CPA6: variants seen among roughly 807,000 people sequenced by gnomAD.
CPA6 encodes the protein carboxypeptidase A6.
CPA6 carries 58 observed loss-of-function variants against 63.3 expected under a neutral mutation model. The observed-to-expected ratio is 0.92, with a 90% CI of 0.74 to 1.14. The LOEUF (loss-of-function observed/expected upper bound fraction) is 1.14. CPA6 is among the 50% of genes most tolerant of loss of function. The pLI, the probability that CPA6 is intolerant of heterozygous loss-of-function variation, is 0.00. For synonymous variants in CPA6, 185 were observed against 179.0 expected (o/e 1.03, Z -0.27); for missense variants, 565 against 526.6 (o/e 1.07, Z -0.71).
intron 1 of CPA6, among the ~76,000 whole-genome samples, chr8:67,744,399 G>C (rs986684459): frequency 1.3e-5 from 2 of 152,176 alleles, no homozygotes; most frequent in African/African-American, 4.8e-5. Flanking sequence ...AAGGGTTCCA[G>C]TCGCTACAAA....
Position 67,557,753 on chromosome 8 carries a change from G to T in CPA6, c.193-39706C>A, listed in dbSNP as rs138759027. On this transcript the variant is annotated intron_variant, in intron 2 of 10. Transcript: ENST00000297770. Reference sequence around the variant, plus strand: ...GTAATAATCCTAGCCTATTGCCTTTGGTCATAAGTTCAGCATTAAGTAAGG... The same window carrying T: ...GTAATAATCCTAGCCTATTGCCTTTTGTCATAAGTTCAGCATTAAGTAAGG... Among the ~76,000 whole-genome samples, 283 of 152,230 alleles carry T rather than the reference G, an allele frequency of 1.9e-3. 1 individual carries two copies. The highest frequency in any genetic ancestry group is 6.5e-3 in the African/African-American group (271 of 41,552).
intron 2 of CPA6, among the ~76,000 whole-genome samples, chr8:67,622,968 A>G (rs73683142): frequency 4.1e-4 from 63 of 152,324 alleles, no homozygotes; most frequent in African/African-American, 1.5e-3. Flanking sequence ...CTAACACTCA[A>G]TTGTATGCAC....
chr8:67,623,290 A>G (rs951007925), intron 2 of CPA6, among the ~76,000 whole-genome samples: 5 of 152,242 alleles, frequency 3.3e-5, no homozygotes, highest in African/African-American at 1.2e-4. Context: ...AACTTCTAGG[A>G]CATTCCAGAC....
intron 1 of CPA6, among the ~76,000 whole-genome samples, chr8:67,651,932 C>T (rs1309853882): frequency 3.3e-5 from 5 of 151,956 alleles, no homozygotes; most frequent in African/African-American, 1.2e-4. Flanking sequence ...GTGATGTTCC[C>T]CTACCTGTGT....
At chr8:67,577,526 C>T (rs942854937) in intron 2 of CPA6, among the ~76,000 whole-genome samples, 11 of 152,042 alleles carry the variant, frequency 7.2e-5, no homozygotes, top group South Asian at 4.2e-4. Flanking sequence ...TTACGCTCTT[C>T]GAAGCGTAAG....
intron 8 of CPA6, among the ~76,000 whole-genome samples, chr8:67,442,354 T>C (rs1439656321): frequency 6.6e-6 from 1 of 151,608 alleles, no homozygotes; most frequent in African/African-American, 2.4e-5. Flanking sequence ...TAATATAATA[T>C]AATGTAATAT....
rs1587478673 is a variant in CPA6 at position 67,483,504 on chromosome 8, G to C, written c.838+264C>G. The C allele has an allele frequency of 2.3e-5, 12 of 516,042 alleles. No homozygotes were observed. In the East Asian group the frequency reaches 3.4e-4, roughly 15 times the overall value. The allele number at this position is 516,042 out of a possible 1,614,324, so 32.0% of individuals were successfully genotyped here. ...GGGAATGACAAATATTCCTCAGTTT[G>C]CTGCTTTTACATATGTATTTAAATT... On this transcript the variant is annotated intron_variant, in intron 8 of 10. Transcript: ENST00000297770.
intron 8 of CPA6, among the ~76,000 whole-genome samples, chr8:67,478,872 A>G (rs1469814168): frequency 6.6e-6 from 1 of 152,058 alleles, no homozygotes; most frequent in African/African-American, 2.4e-5. Context: ...AAAAATACAA[A>G]AATTAGCCCG....
At chr8:67,663,654 G>A (rs369798884) in intron 1 of CPA6, among the ~76,000 whole-genome samples, 88 of 152,172 alleles carry the variant, frequency 5.8e-4, no homozygotes, top group African/African-American at 1.8e-3. Flanking sequence ...TAGTTGGCTG[G>A]GGATAATGGC....
chr8:67,591,264 T>C (rs933293050), intron 2 of CPA6, among the ~76,000 whole-genome samples: 3 of 152,182 alleles, frequency 2.0e-5, no homozygotes, highest in Non-Finnish European at 2.9e-5. Flanking sequence ...TTGGTACCAG[T>C]ACCATGCTGT....
chr8:67,732,246 C>T (rs1183739272), intron 1 of CPA6, among the ~76,000 whole-genome samples: 1 of 152,160 alleles, frequency 6.6e-6, no homozygotes, highest in East Asian at 1.9e-4. Context: ...TGTGGGATCC[C>T]CACATTCCTC....
chr8:67,608,003 A>C (rs1814710547), intron 2 of CPA6, among the ~76,000 whole-genome samples: 2 of 152,190 alleles, frequency 1.3e-5, no homozygotes, highest in African/African-American at 4.8e-5. Flanking sequence ...AGGATCCAGA[A>C]ATTTTCCATG....
At chr8:67,728,137 C>A (rs200390609) in intron 1 of CPA6, among the ~76,000 whole-genome samples, 1 of 15,550 alleles carries the variant, frequency 6.4e-5, no homozygotes, top group Non-Finnish European at 1.7e-4. Flanking sequence ...AAAAAACAAA[C>A]AAAACAAAAC....
intron 8 of CPA6, among the ~76,000 whole-genome samples, chr8:67,452,836 A>G (rs966346379): frequency 6.6e-6 from 1 of 152,184 alleles, no homozygotes; most frequent in Non-Finnish European, 1.5e-5. Flanking sequence ...TGTAGAACTC[A>G]AGGAGTTGGC....
At chr8:67,453,238 G>A (rs6472300) in intron 8 of CPA6, among the ~76,000 whole-genome samples, 1 of 152,088 alleles carries the variant, frequency 6.6e-6, no homozygotes, top group East Asian at 1.9e-4. Context: ...TGGTCAGAAA[G>A]GGTTGGAATC....
chr8:67,563,284 A>T lies in CPA6; in HGVS notation c.193-45237T>A, dbSNP rs540570337. ...TAATCAAGAACACAGATCTGGAGAC[A>T]GCTGCCTGGGTTGCATTTGACTGAT... On this transcript the variant is annotated intron_variant, in intron 2 of 10. Transcript: ENST00000297770. 5.9e-5 allele frequency among the ~76,000 whole-genome samples: 9 copies of T among 152,334 alleles called. No homozygotes were observed. The South Asian group carries it at 1.7e-3, about 28-fold the overall frequency.
chr8:67,568,240 T>A (rs1813392130), intron 2 of CPA6, among the ~76,000 whole-genome samples: 2 of 152,036 alleles, frequency 1.3e-5, no homozygotes, highest in African/African-American at 4.8e-5. Context: ...ACATAAGGAT[T>A]ACAAAGATTT....
At position 67,674,649 on chromosome 8, in the gene CPA6, G is replaced by A. The variant is rs55834588; in HGVS notation, c.117-50398C>T. Among the ~76,000 whole-genome samples, 1,092 of 152,226 alleles carry A rather than the reference G, an allele frequency of 7.2e-3. 17 individuals carry two copies. The highest frequency in any genetic ancestry group is 0.025 in the African/African-American group (1,035 of 41,542). On this transcript the variant is annotated intron_variant, in intron 1 of 10. Transcript: ENST00000297770. ...AGAACTCAAAACAGAGCTATCCTTC[G>A]ACCCAGAAATTTCATTACTGGGCAT...
intron 1 of CPA6, among the ~76,000 whole-genome samples, chr8:67,729,803 A>G (rs2129002847): frequency 6.6e-6 from 1 of 152,356 alleles, no homozygotes; most frequent in African/African-American, 2.4e-5. Flanking sequence ...GGAGATGTAA[A>G]TCACCACTTG....
Sources: gnomAD v4.1 joint callset for allele counts (sites outside exome capture counted in the v4.1 genomes callset) on GRCh38, gnomAD v4.1.1 for gene constraint, MANE v1.5 for transcripts, NCBI Gene and HGNC (gene_info 2026-07-23, HGNC 2026-07-21) for gene names.